Variants in EPHB1 observed in about 807,000 individuals in gnomAD.
The protein encoded by EPHB1 is EPH receptor B1, also known as ephrin type-B receptor 1.
A neutral mutation model predicts 94.4 loss-of-function variants in EPHB1; 30 were observed. The ratio of observed to expected loss-of-function variants is 0.32; its 90% CI spans 0.24 to 0.43. The LOEUF (loss-of-function observed/expected upper bound fraction) is 0.43, where lower values mean the gene tolerates loss of function less well. EPHB1 is among the 20% of genes least tolerant of loss of function. The pLI, the probability that EPHB1 is intolerant of heterozygous loss-of-function variation, is 1.00. For synonymous variants in EPHB1, 522 were observed against 489.1 expected (o/e 1.07, Z -0.89); for missense variants, 1,055 against 1,308.3 (o/e 0.81, Z 2.99).
At chr3:134,913,920 C>A (rs927994263) in intron 1 of EPHB1, among the ~76,000 whole-genome samples, 1 of 152,214 alleles carries the variant, frequency 6.6e-6, no homozygotes, top group African/African-American at 2.4e-5. Context: ...TTGCTTTAGA[C>A]CCAGTTGGGG....
intron 14 of EPHB1, 90 bp downstream of exon 14, chr3:135,248,599 T>A (rs981061380): frequency 7.4e-7 from 1 of 1,353,636 alleles, no homozygotes; most frequent in Non-Finnish European, 1.0e-6. Context: ...CATGTTCGAA[T>A]TTTTTAAAGA....
At chr3:135,006,320 G>A (rs1211680576) in intron 3 of EPHB1, among the ~76,000 whole-genome samples, 8 of 152,140 alleles carry the variant, frequency 5.3e-5, no homozygotes, top group Non-Finnish European at 1.0e-4. Flanking sequence ...AGGTTACTAC[G>A]GGCAGATGGG....
At chr3:134,964,141 A>G (rs1000278538) in intron 3 of EPHB1, among the ~76,000 whole-genome samples, 5 of 152,246 alleles carry the variant, frequency 3.3e-5, no homozygotes, top group African/African-American at 1.2e-4. Flanking sequence ...GGAGAATATG[A>G]GCTGAGAAGG....
intron 3 of EPHB1, among the ~76,000 whole-genome samples, chr3:135,037,418 G>A (rs1396729418): frequency 1.3e-5 from 2 of 152,208 alleles, no homozygotes; most frequent in African/African-American, 4.8e-5. Context: ...CGTTAGATAT[G>A]TACTGGAGAA....
chr3:135,180,560 C>G (rs1942127693), intron 10 of EPHB1, among the ~76,000 whole-genome samples: 1 of 152,146 alleles, frequency 6.6e-6, no homozygotes, highest in African/African-American at 2.4e-5. Flanking sequence ...AGACGAATTT[C>G]ACTCTCAAGA....
intron 1 of EPHB1, among the ~76,000 whole-genome samples, chr3:134,907,911 G>A (rs1310481030): frequency 1.3e-5 from 2 of 152,120 alleles, no homozygotes; most frequent in Non-Finnish European, 2.9e-5. Flanking sequence ...TCCCCTCTCC[G>A]GGCCTCCAAC....
At chr3:135,155,701 A>G (rs1941330784) in intron 6 of EPHB1, among the ~76,000 whole-genome samples, 1 of 146,066 alleles carries the variant, frequency 6.8e-6, no homozygotes, top group African/African-American at 2.7e-5. Flanking sequence ...GAGGCTAGAG[A>G]ATCACTTGAA....
At chr3:134,911,609 T>C (rs2038456400) in intron 1 of EPHB1, among the ~76,000 whole-genome samples, 1 of 152,086 alleles carries the variant, frequency 6.6e-6, no homozygotes, top group East Asian at 1.9e-4. Flanking sequence ...AAGTAGGCCA[T>C]GAAGACTGTA....
At chr3:135,018,519 AC>A (rs1935881052) in intron 3 of EPHB1, among the ~76,000 whole-genome samples, 1 of 151,944 alleles carries the variant, frequency 6.6e-6, no homozygotes, top group African/African-American at 2.4e-5. Context: ...TTCTTAAAGC[AC>A]CCACCGATCT....
At position 135,128,169 on chromosome 3, in the gene EPHB1, G is replaced by A. The variant is rs774843366; in HGVS notation, c.962-4545G>A. Reference sequence around the variant, plus strand: ...CACTGCATTCACTGAGGGCTTTTGCGGAAGGAGATGGCAGATTTTCTTTCT... The same window carrying A: ...CACTGCATTCACTGAGGGCTTTTGCAGAAGGAGATGGCAGATTTTCTTTCT... On this transcript the variant is annotated intron_variant, in intron 4 of 15. Transcript: ENST00000398015. Among the ~76,000 whole-genome samples, 12 of 152,324 alleles carry A rather than the reference G, an allele frequency of 7.9e-5. 1 individual carries two copies. In the East Asian group the frequency reaches 9.6e-4, roughly 12 times the overall value.
At chr3:135,020,132 G>T (rs928784613) in intron 3 of EPHB1, among the ~76,000 whole-genome samples, 1 of 152,162 alleles carries the variant, frequency 6.6e-6, no homozygotes, top group Non-Finnish European at 1.5e-5. Context: ...CTTTCCAATG[G>T]TGTGTCAGTG....
At chr3:134,912,558 A>C (rs1428389038) in intron 1 of EPHB1, among the ~76,000 whole-genome samples, 2 of 152,064 alleles carry the variant, frequency 1.3e-5, no homozygotes, top group Non-Finnish European at 2.9e-5. Flanking sequence ...TTGCTGCTGG[A>C]TTGGCAGAAG....
intron 1 of EPHB1, among the ~76,000 whole-genome samples, chr3:134,886,217 G>A (rs2108313712): frequency 6.6e-6 from 1 of 152,220 alleles, no homozygotes; most frequent in East Asian, 1.9e-4. Context: ...TTACCTGTGT[G>A]GTCCTGTTCA....
intron 1 of EPHB1, among the ~76,000 whole-genome samples, chr3:134,830,636 CTTA>C (rs986522870): frequency 1.3e-5 from 2 of 151,992 alleles, no homozygotes; most frequent in African/African-American, 4.8e-5. Flanking sequence ...GAAGGGGGTG[CTTA>C]TTATTATTTT....
intron 3 of EPHB1, among the ~76,000 whole-genome samples, chr3:135,063,365 G>A (rs1392874455): frequency 1.3e-5 from 2 of 152,108 alleles, no homozygotes; most frequent in African/African-American, 4.8e-5. Flanking sequence ...ATTTCTTTCA[G>A]CAGTGTTCTG....
intron 3 of EPHB1, among the ~76,000 whole-genome samples, chr3:135,001,338 T>C (rs574270766): frequency 6.6e-6 from 1 of 152,236 alleles, no homozygotes; most frequent in East Asian, 1.9e-4. Flanking sequence ...TGTTTGAAGA[T>C]GGGGTGGCAG....
intron 3 of EPHB1, among the ~76,000 whole-genome samples, chr3:135,102,557 C>A (rs7372127): frequency 0.56 from 85,457 of 152,122 alleles, 24,137 homozygotes; most frequent in East Asian, 0.76. Context: ...CTGGCACTTT[C>A]ACCCTTGTTT....
At chr3:135,038,014 T>C (rs1320952533) in intron 3 of EPHB1, among the ~76,000 whole-genome samples, 1 of 152,202 alleles carries the variant, frequency 6.6e-6, no homozygotes, top group Non-Finnish European at 1.5e-5. Context: ...CGCAGGAACA[T>C]GTGGGCTTAT....
intron 3 of EPHB1, among the ~76,000 whole-genome samples, chr3:134,979,004 G>A (rs80014209): frequency 6.6e-6 from 1 of 152,274 alleles, no homozygotes; most frequent in African/African-American, 2.4e-5. Flanking sequence ...GGGGCCTTGG[G>A]GTCTGGCATC....
Sources: allele counts gnomAD v4.1 joint callset (sites outside exome capture counted in the v4.1 genomes callset), GRCh38; gene constraint gnomAD v4.1.1; transcripts MANE v1.5; gene names NCBI Gene and HGNC (gene_info 2026-07-23, HGNC 2026-07-21).